GRIN3A: variants seen among roughly 807,000 people sequenced by gnomAD.
The protein encoded by GRIN3A is glutamate receptor ionotropic, NMDA 3A.
In GRIN3A, 47 loss-of-function variants were observed where a neutral mutation model predicts 92.4. The ratio of observed to expected loss-of-function variants is 0.51; its 90% CI spans 0.40 to 0.65. GRIN3A has a LOEUF of 0.65. Among genes scored for constraint, GRIN3A ranks in the 30% least tolerant of loss-of-function variants. The pLI, the probability that GRIN3A is intolerant of heterozygous loss-of-function variation, is 0.00. For synonymous variants in GRIN3A, 527 were observed against 540.6 expected, an observed-to-expected ratio of 0.97 and a Z score of 0.35; for missense variants, 1,324 against 1,393.1, an observed-to-expected ratio of 0.95 and a Z score of 0.79.
intron 3 of GRIN3A, among the ~76,000 whole-genome samples, chr9:101,665,323 G>C (rs1829224401): frequency 6.6e-6 from 1 of 151,792 alleles, no homozygotes; most frequent in African/African-American, 2.4e-5. Context: ...AGAAAGACTT[G>C]GAGAGATTAT....
intron 3 of GRIN3A, among the ~76,000 whole-genome samples, chr9:101,636,064 G>A (rs1828780565): frequency 6.6e-6 from 1 of 152,114 alleles, no homozygotes; most frequent in Non-Finnish European, 1.5e-5. Context: ...TGTGTTTTTA[G>A]AAGAGAAGAG....
intron 5 of GRIN3A, among the ~76,000 whole-genome samples, chr9:101,622,464 G>A (rs754714385): frequency 4.6e-5 from 7 of 152,210 alleles, no homozygotes; most frequent in Admixed American, 1.3e-4. Flanking sequence ...TATATCAACC[G>A]TCATTCAGAA....
At chr9:101,657,919 T>A (rs1377960436) in intron 3 of GRIN3A, among the ~76,000 whole-genome samples, 2 of 151,982 alleles carry the variant, frequency 1.3e-5, no homozygotes, top group East Asian at 3.9e-4. Flanking sequence ...GACTGAATCC[T>A]GTACCATTTG....
At chr9:101,577,637 A>T (rs1827841934) in intron 8 of GRIN3A, 131 bp downstream of exon 8, 2 of 739,984 alleles carry the variant, frequency 2.7e-6, no homozygotes, top group Admixed American at 2.0e-5. Context: ...TTTTTATTTT[A>T]TGTTTTATTT....
At chr9:101,669,747 T>C (rs1017018010) in intron 3 of GRIN3A, among the ~76,000 whole-genome samples, 1 of 140,044 alleles carries the variant, frequency 7.1e-6, no homozygotes, top group Non-Finnish European at 1.6e-5. Flanking sequence ...TATAAGACCA[T>C]TCCCTGATAG....
At chr9:101,665,170 GTAGA>G (rs1829222897) in intron 3 of GRIN3A, among the ~76,000 whole-genome samples, 1 of 151,914 alleles carries the variant, frequency 6.6e-6, no homozygotes, top group African/African-American at 2.4e-5. Flanking sequence ...TAAGAAAATA[GTAGA>G]TAGAACTTTG....
chr9:101,618,642 A>G (rs1034505970), intron 5 of GRIN3A, among the ~76,000 whole-genome samples: 1 of 152,224 alleles, frequency 6.6e-6, no homozygotes, highest in Non-Finnish European at 1.5e-5. Flanking sequence ...TAATGAAAAC[A>G]AACTATGCAT....
intron 6 of GRIN3A, among the ~76,000 whole-genome samples, chr9:101,583,089 C>A (rs556091425): frequency 4.6e-5 from 7 of 152,180 alleles, no homozygotes; most frequent in African/African-American, 1.2e-4. Context: ...GTGTTATTAT[C>A]CTTATTTCAC....
intron 3 of GRIN3A, among the ~76,000 whole-genome samples, chr9:101,657,992 T>C (rs1829112733): frequency 1.3e-5 from 2 of 151,980 alleles, no homozygotes; most frequent in African/African-American, 4.8e-5. Flanking sequence ...GTTTGTGGTA[T>C]GAGCAGCTTT....
chr9:101,627,257 A>T (rs1317682484), intron 4 of GRIN3A, among the ~76,000 whole-genome samples: 3 of 152,204 alleles, frequency 2.0e-5, no homozygotes, highest in Admixed American at 1.3e-4. Flanking sequence ...CTTACACATC[A>T]TGTATAATTT....
At chr9:101,666,533 G>A (rs1829238685) in intron 3 of GRIN3A, among the ~76,000 whole-genome samples, 1 of 151,894 alleles carries the variant, frequency 6.6e-6, no homozygotes, top group Admixed American at 6.6e-5. Context: ...AAAAACAACT[G>A]ATGGGTACTA....
chr9:101,619,593 T>C (rs1828521566), intron 5 of GRIN3A, among the ~76,000 whole-genome samples: 1 of 152,158 alleles, frequency 6.6e-6, no homozygotes, highest in South Asian at 2.1e-4. Context: ...ACCTGAAGAG[T>C]AGATTAGATA....
intron 1 of GRIN3A, among the ~76,000 whole-genome samples, chr9:101,690,864 A>G (rs1829606792): frequency 6.6e-6 from 1 of 152,168 alleles, no homozygotes; most frequent in Admixed American, 6.5e-5. Flanking sequence ...GAATTTGAGA[A>G]AATAGATTAG....
chr9:101,731,305 T>G (rs1830137576), intron 1 of GRIN3A, among the ~76,000 whole-genome samples: 2 of 147,904 alleles, frequency 1.4e-5, no homozygotes, highest in South Asian at 2.1e-4. Flanking sequence ...GGCTTCTCAC[T>G]TCCTACAATG....
At chr9:101,679,740 G>A (rs778562921) in intron 2 of GRIN3A, among the ~76,000 whole-genome samples, 10 of 152,150 alleles carry the variant, frequency 6.6e-5, no homozygotes, top group Non-Finnish European at 5.9e-5. Context: ...TCAGCCATAA[G>A]CAATGTGTTC....
intron 1 of GRIN3A, among the ~76,000 whole-genome samples, chr9:101,723,800 A>ACACTT (rs1430220122): frequency 6.6e-6 from 1 of 152,088 alleles, no homozygotes; most frequent in Non-Finnish European, 1.5e-5. Context: ...CCTGAGCTAG[A>ACACTT]CACTGGGTGC....
At chr9:101,734,583 AT>A (rs1830178618) in intron 1 of GRIN3A, among the ~76,000 whole-genome samples, 1 of 151,958 alleles carries the variant, frequency 6.6e-6, no homozygotes, top group African/African-American at 2.4e-5. Context: ...TACATAGTGT[AT>A]TGAAATAAAA....
At chr9:101,579,616 C>G (rs1016891438) in intron 6 of GRIN3A, among the ~76,000 whole-genome samples, 5 of 152,074 alleles carry the variant, frequency 3.3e-5, no homozygotes, top group Admixed American at 1.3e-4. Context: ...GCTCTCCAAC[C>G]GACTGAACGA....
rs547900409 is a variant in GRIN3A, at chr9:101,624,686, C to T, written c.2499-1253G>A. Among the ~76,000 whole-genome samples the T allele has an allele frequency of 1.4e-3, 219 of 152,266 alleles. 1 individual carries two copies. The highest frequency in any genetic ancestry group is 5.2e-3 in the African/African-American group (215 of 41,546). ...TGTGAATAGTGCCACAATAAACATA[C>T]ATGTGCATGTGTCTTTATAGCAGCA... On this transcript the variant is annotated intron_variant, in intron 4 of 8. Coordinates refer to ENST00000361820, the MANE Select transcript of GRIN3A (RefSeq NM_133445.3).
Sources: gnomAD v4.1 joint callset for allele counts (sites outside exome capture counted in the v4.1 genomes callset) on GRCh38, gnomAD v4.1.1 for gene constraint, MANE v1.5 for transcripts, NCBI Gene and HGNC (gene_info 2026-07-23, HGNC 2026-07-21) for gene names.